The following GLI2 variants were observed in gnomAD, a reference collection of about 807,000 sequenced individuals.
GLI2 encodes GLI family zinc finger 2.
A neutral mutation model predicts 78.9 loss-of-function variants in GLI2; 22 were observed. The observed-to-expected ratio is 0.28, with a 90% CI of 0.20 to 0.40. The LOEUF (loss-of-function observed/expected upper bound fraction) is 0.40, where lower values mean the gene tolerates loss of function less well. Among genes scored for constraint, GLI2 ranks in the 10% least tolerant of loss-of-function variants. GLI2 has a pLI of 1.00. For synonymous variants in GLI2, 974 were observed against 963.7 expected (o/e 1.01, Z -0.20); for missense variants, 2,097 against 2,213.2 (o/e 0.95, Z 1.05).
intron 2 of GLI2, among the ~76,000 whole-genome samples, chr2:120,843,409 C>G (rs1360397230): frequency 6.6e-6 from 1 of 152,232 alleles, no homozygotes; most frequent in Non-Finnish European, 1.5e-5. Flanking sequence ...GACGTCAGGA[C>G]AAGATCTGTC....
intron 1 of GLI2, among the ~76,000 whole-genome samples, chr2:120,742,676 C>T (rs1470425643): frequency 3.0e-5 from 1 of 33,768 alleles, no homozygotes; most frequent in African/African-American, 2.3e-4. Context: ...GTTAGGATGA[C>T]TTTAAAAAAA....
intron 1 of GLI2, among the ~76,000 whole-genome samples, chr2:120,766,267 C>T (rs1019538058): frequency 2.0e-5 from 3 of 152,250 alleles, no homozygotes; most frequent in Non-Finnish European, 1.5e-5. Flanking sequence ...CAGGCAAGCG[C>T]GTCACTTCCT....
At chr2:120,767,911 CCT>C (rs1298840398) in intron 1 of GLI2, among the ~76,000 whole-genome samples, 1 of 152,176 alleles carries the variant, frequency 6.6e-6, no homozygotes, top group East Asian at 1.9e-4. Flanking sequence ...AGTGCAGGCC[CCT>C]GTCACATCAG....
intron 2 of GLI2, among the ~76,000 whole-genome samples, chr2:120,889,384 G>A (rs956865862): frequency 3.9e-5 from 6 of 152,190 alleles, no homozygotes; most frequent in African/African-American, 1.2e-4. Flanking sequence ...CTCCTCCATC[G>A]AGGAAGGATG....
chr2:120,787,678 G>A (rs1024373782), intron 1 of GLI2, among the ~76,000 whole-genome samples: 2 of 152,196 alleles, frequency 1.3e-5, no homozygotes, highest in African/African-American at 4.8e-5. Flanking sequence ...AAATATCTGG[G>A]TCTGGCGGGC....
intron 3 of GLI2, among the ~76,000 whole-genome samples, chr2:120,931,290 A>G (rs926608247): frequency 6.6e-6 from 1 of 152,138 alleles, no homozygotes; most frequent in Admixed American, 6.5e-5. Flanking sequence ...CCTCACACAC[A>G]TCACCTTTTC....
Position 120,970,150 on chromosome 2 carries a change from G to C in GLI2, c.846-243G>C, listed in dbSNP as rs533332874. On this transcript the variant is annotated intron_variant, in intron 6 of 13. Transcript: ENST00000361492. ...ATGAGCTGGAGCCTGGTCCCTGCTGGGAGCCAGCCTGCCAGGGGTGAAGTC... is the reference window on the plus strand; with the variant it reads ...ATGAGCTGGAGCCTGGTCCCTGCTGCGAGCCAGCCTGCCAGGGGTGAAGTC... 2.0e-5 allele frequency among the ~76,000 whole-genome samples: 3 copies of C among 152,246 alleles called. No homozygotes were observed. In the South Asian group the frequency reaches 6.2e-4, roughly 32 times the overall value.
chr2:120,772,435 T>C (rs532127463), intron 1 of GLI2, among the ~76,000 whole-genome samples: 1 of 152,328 alleles, frequency 6.6e-6, no homozygotes, highest in South Asian at 2.1e-4. Flanking sequence ...TTGCTTTCTA[T>C]ATGGGCTAGT....
At chr2:120,879,126 C>T (rs375936640) in intron 2 of GLI2, among the ~76,000 whole-genome samples, 13 of 152,122 alleles carry the variant, frequency 8.5e-5, no homozygotes, top group Admixed American at 3.3e-4. Context: ...TCATGGATCT[C>T]GGTTGCGGAT....
At chr2:120,947,677 C>T (rs772128232) in intron 3 of GLI2, among the ~76,000 whole-genome samples, 21 of 152,164 alleles carry the variant, frequency 1.4e-4, no homozygotes, top group Non-Finnish European at 2.5e-4. Flanking sequence ...ACCAGGTGCC[C>T]GGCCCTGGTC....
chr2:120,843,957 G>A (rs1436630384), intron 2 of GLI2, among the ~76,000 whole-genome samples: 3 of 152,130 alleles, frequency 2.0e-5, no homozygotes, highest in Non-Finnish European at 2.9e-5. Flanking sequence ...GTGAGACACC[G>A]TGCCTGTCCA....
At chr2:120,896,531 T>C (rs1249856788) in intron 2 of GLI2, among the ~76,000 whole-genome samples, 1 of 152,160 alleles carries the variant, frequency 6.6e-6, no homozygotes, top group African/African-American at 2.4e-5. Flanking sequence ...AGTGCTGGTG[T>C]GGTGGTAACA....
Position 120,982,933 on chromosome 2 carries a change from C to T in GLI2, c.1632+53C>T, listed in dbSNP as rs546968102. On this transcript the variant is annotated intron_variant, in intron 11 of 13. Coordinates refer to ENST00000361492, the MANE Select transcript of GLI2 (RefSeq NM_001374353.1). ...TGCACACTGGGGCCCCACTGACGCC[C>T]CATGGCTTCCAGGCATCTGTAGTCC... 1.5e-4 allele frequency: 234 copies of T among 1,556,352 alleles called. 1 individual carries two copies. In the African/African-American group the frequency reaches 2.8e-3, roughly 18 times the overall value.
chr2:120,962,142 A>G (rs577388853), intron 5 of GLI2, among the ~76,000 whole-genome samples: 2 of 152,220 alleles, frequency 1.3e-5, no homozygotes, highest in East Asian at 3.9e-4. Context: ...GCATGAGACA[A>G]CCAGTGATTG....
In GLI2 at chr2:120,988,900, G is replaced by A. The variant is rs1259431717; in HGVS notation, c.2935G>A (p.Gly979Ser). ...CCACAGCACCCACAACGTGAACCCCGGCCCGCTGCCGCCCTGTGCCGACAG... is the reference window on the plus strand; with the variant it reads ...CCACAGCACCCACAACGTGAACCCCAGCCCGCTGCCGCCCTGTGCCGACAG... ...RFHSTHNVNP[G>S]PLPPCADRRG... Residue 979 changes from glycine to serine, a missense_variant, in exon 14 of 14, where the codon GGC becomes AGC. By Grantham distance (56) the Gly-to-Ser change is moderately conservative (BLOSUM62 0). Around this residue, in one of 5 missense-constraint regions of GLI2, gnomAD observed 1,290 missense variants for 1,261.7 expected, o/e 1.02. Transcript: ENST00000361492. The A allele has an allele frequency of 5.3e-6, 8 of 1,508,818 alleles. No homozygotes were observed. The highest frequency in any genetic ancestry group is 7.1e-6 in the Non-Finnish European group (8 of 1,131,470). The allele number at this position is 1,508,818 out of a possible 1,614,324, so 93.5% of individuals were successfully genotyped here.
chr2:120,931,223 C>G (rs1019563400), intron 3 of GLI2, among the ~76,000 whole-genome samples: 10 of 152,214 alleles, frequency 6.6e-5, no homozygotes, highest in Non-Finnish European at 1.2e-4. Context: ...CCAGGAGAGA[C>G]TCTTTGACAT....
intron 2 of GLI2, among the ~76,000 whole-genome samples, chr2:120,906,528 A>G (rs1272987760): frequency 6.6e-6 from 1 of 151,790 alleles, no homozygotes; most frequent in Non-Finnish European, 1.5e-5. Context: ...GCTCCAGCGC[A>G]CTCCCTCTCT....
chr2:120,951,361 C>A lies in GLI2; in HGVS notation c.373C>A (p.His125Asn). 1.2e-6 allele frequency: 2 copies of A among 1,607,878 alleles called. No homozygotes were observed. The highest frequency in any genetic ancestry group is 1.7e-6 in the Non-Finnish European group (2 of 1,174,368). The change falls in exon 4 of 14, where the codon CAC becomes AAC. Residue 125 changes from histidine (H) to asparagine (N), a missense_variant. Coordinates refer to ENST00000361492, the MANE Select transcript of GLI2 (RefSeq NM_001374353.1). The stretch of plus-strand genomic sequence containing the variant: ...CGCCCCCCACCCGTACGTGAACCCC[C>A]ACATGGAGCACTACCTCCGTTCTGT... ...FNAPHPYVNP[H>N]MEHYLRSVHS...
chr2:120,841,889 G>GTGTGTGT (rs1558827926), intron 2 of GLI2, among the ~76,000 whole-genome samples: 13 of 150,062 alleles, frequency 8.7e-5, no homozygotes, highest in East Asian at 1.9e-4. Context: ...GTGTGTGTGT[G>GTGTGTGT]ATGCTGGGCT....
Sources: allele counts gnomAD v4.1 joint callset (sites outside exome capture counted in the v4.1 genomes callset), GRCh38; gene constraint gnomAD v4.1.1; regional missense constraint gnomAD v4.1.1; transcripts MANE v1.5; gene names NCBI Gene and HGNC (gene_info 2026-07-23, HGNC 2026-07-21).